Variants in CDH18 observed in about 807,000 individuals in gnomAD.
The protein encoded by CDH18 is cadherin-18.
Under a neutral mutation model 67.9 loss-of-function variants are expected in CDH18, and 31 were observed. The observed-to-expected ratio is 0.46, with a 90% CI of 0.34 to 0.62. The LOEUF is 0.62. CDH18 is among the 20% of genes least tolerant of loss of function. The pLI is 0.01. For missense variants in CDH18, 890 were observed against 975.5 expected (o/e 0.91, Z 1.17); for synonymous variants, 362 against 347.2 (o/e 1.04, Z -0.48).
chr5:20,112,069 A>C (rs552837907), intron 2 of CDH18, among the ~76,000 whole-genome samples: 24 of 152,310 alleles, frequency 1.6e-4, no homozygotes, highest in Admixed American at 1.4e-3. Context: ...TAAGGAAGTT[A>C]AGTTCACACA....
intron 2 of CDH18, among the ~76,000 whole-genome samples, chr5:19,900,052 G>C (rs951571699): frequency 6.6e-6 from 1 of 152,150 alleles, no homozygotes; most frequent in African/African-American, 2.4e-5. Flanking sequence ...GTATTGTGCA[G>C]TTAAAAATTT....
At chr5:19,839,426 G>C (rs1362432267) in intron 2 of CDH18, among the ~76,000 whole-genome samples, 184 bp from the exon 3 acceptor site, 1 of 152,112 alleles carries the variant, frequency 6.6e-6, no homozygotes, top group African/African-American at 2.4e-5. Context: ...GAACCTTCCT[G>C]TCTGTACCAT....
intron 1 of CDH18, among the ~76,000 whole-genome samples, chr5:20,547,906 TATAAA>T (rs1205593085): frequency 6.6e-6 from 1 of 152,016 alleles, no homozygotes; most frequent in African/African-American, 2.4e-5. Flanking sequence ...TCTTTACAGA[TATAAA>T]ATATAAAATA....
intron 3 of CDH18, among the ~76,000 whole-genome samples, chr5:19,768,183 C>T (rs2149728601): frequency 6.6e-6 from 1 of 152,232 alleles, no homozygotes; most frequent in East Asian, 1.9e-4. Context: ...TGTTCTGACT[C>T]AGAATTTACC....
chr5:19,962,915 A>C (rs911961642), intron 2 of CDH18, among the ~76,000 whole-genome samples: 2 of 152,154 alleles, frequency 1.3e-5, no homozygotes, highest in Non-Finnish European at 2.9e-5. Context: ...GAAAGACATT[A>C]TTGAGCTTGC....
chr5:19,716,339 T>G (rs75782267), intron 5 of CDH18, among the ~76,000 whole-genome samples: 1,887 of 152,224 alleles, frequency 0.012, 36 homozygotes, highest in African/African-American at 0.043. Flanking sequence ...CAACTTCTTT[T>G]GCAATAAACC....
chr5:20,175,385 A>G (rs572516659), intron 2 of CDH18, among the ~76,000 whole-genome samples: 106 of 152,256 alleles, frequency 7.0e-4, no homozygotes, highest in African/African-American at 2.3e-3. Context: ...AAGGTCAAGT[A>G]AAGTTTCTTG....
intron 1 of CDH18, among the ~76,000 whole-genome samples, chr5:20,506,096 C>G (rs1437203325): frequency 6.6e-6 from 1 of 152,090 alleles, no homozygotes; most frequent in Non-Finnish European, 1.5e-5. Flanking sequence ...GTTAGACACA[C>G]AAAAAAATAA....
At chr5:19,755,391 T>C (rs1771403171) in intron 3 of CDH18, among the ~76,000 whole-genome samples, 1 of 134,240 alleles carries the variant, frequency 7.4e-6, no homozygotes, top group Non-Finnish European at 1.6e-5. Context: ...TGCTATTGTA[T>C]TAGTCAGTGT....
intron 5 of CDH18, among the ~76,000 whole-genome samples, chr5:19,714,540 C>G (rs1162130540): frequency 6.7e-6 from 1 of 149,908 alleles, no homozygotes; most frequent in Non-Finnish European, 1.5e-5. Context: ...TAAATGGAAC[C>G]TATTAATTTT....
At chr5:19,711,506 TAA>T (rs995030167) in intron 5 of CDH18, among the ~76,000 whole-genome samples, 2 of 151,864 alleles carry the variant, frequency 1.3e-5, no homozygotes, top group African/African-American at 4.8e-5. Flanking sequence ...GCCAAGCATG[TAA>T]AAGACATTTC....
At chr5:19,895,922 T>C (rs1308198916) in intron 2 of CDH18, among the ~76,000 whole-genome samples, 10 of 152,046 alleles carry the variant, frequency 6.6e-5, no homozygotes. Context: ...CTGACTGTGA[T>C]GGTAGCTACA....
At chr5:19,887,428 A>C (rs1482583651) in intron 2 of CDH18, among the ~76,000 whole-genome samples, 1 of 152,054 alleles carries the variant, frequency 6.6e-6, no homozygotes, top group Non-Finnish European at 1.5e-5. Flanking sequence ...TAGATTTTTA[A>C]AATAGATTTA....
chr5:20,241,089 G>A (rs1742858501), intron 2 of CDH18, among the ~76,000 whole-genome samples: 1 of 152,050 alleles, frequency 6.6e-6, no homozygotes, highest in Admixed American at 6.5e-5. Context: ...ACAAAACATT[G>A]TATTTACAGT....
At chr5:20,015,175 G>A (rs949451485) in intron 2 of CDH18, among the ~76,000 whole-genome samples, 1 of 152,130 alleles carries the variant, frequency 6.6e-6, no homozygotes, top group Non-Finnish European at 1.5e-5. Context: ...TTCAGAAACA[G>A]ACACATGGCC....
chr5:19,652,731 G>T (rs1755764386), intron 5 of CDH18, among the ~76,000 whole-genome samples: 1 of 152,092 alleles, frequency 6.6e-6, no homozygotes, highest in African/African-American at 2.4e-5. Flanking sequence ...TGGAGGAATT[G>T]TGGAGTACAG....
At chr5:19,695,680 G>T (rs1762450617) in intron 5 of CDH18, among the ~76,000 whole-genome samples, 1 of 152,192 alleles carries the variant, frequency 6.6e-6, no homozygotes, top group Non-Finnish European at 1.5e-5. Context: ...ATGGGTTAGT[G>T]CTGTGTGAGT....
intron 12 of CDH18, among the ~76,000 whole-genome samples, chr5:19,479,234 C>T (rs919118349): frequency 6.6e-6 from 1 of 152,068 alleles, no homozygotes; most frequent in Non-Finnish European, 1.5e-5. Context: ...CAATCATAGC[C>T]ATTTTCACAA....
At chr5:19,904,160 G>C (rs1366671678) in intron 2 of CDH18, among the ~76,000 whole-genome samples, 1 of 151,690 alleles carries the variant, frequency 6.6e-6, no homozygotes, top group Non-Finnish European at 1.5e-5. Flanking sequence ...TGTAATCCCA[G>C]CTACTCAGGA....
Sources: gnomAD v4.1 joint callset for allele counts (sites outside exome capture counted in the v4.1 genomes callset) on GRCh38, gnomAD v4.1.1 for gene constraint, MANE v1.5 for transcripts, NCBI Gene and HGNC (gene_info 2026-07-23, HGNC 2026-07-21) for gene names.